SHLD2: variants seen among roughly 807,000 people sequenced by gnomAD.
The protein encoded by SHLD2 is shieldin complex subunit 2.
SHLD2 carries 30 observed loss-of-function variants against 73.2 expected under a neutral mutation model. The observed-to-expected ratio is 0.41, with a 90% CI of 0.31 to 0.56. The LOEUF (loss-of-function observed/expected upper bound fraction) is 0.56. Among genes scored for constraint, SHLD2 ranks in the 20% least tolerant of loss-of-function variants. The probability of loss-of-function intolerance (pLI) is 0.28; values close to 1 mark genes in which losing one functional copy is unlikely to be tolerated. For missense variants in SHLD2, 745 were observed against 1,055.9 expected (o/e 0.71, Z 4.08); for synonymous variants, 285 against 370.1 (o/e 0.77, Z 2.64).
intron 2 of SHLD2, among the ~76,000 whole-genome samples, chr10:87,125,597 C>T (rs748569414): frequency 3.3e-5 from 5 of 152,118 alleles, no homozygotes; most frequent in Non-Finnish European, 7.4e-5. Context: ...ATGAGCCGGG[C>T]GTGGTGGCGG....
intron 4 of SHLD2, among the ~76,000 whole-genome samples, chr10:87,160,683 T>G (rs1418532786): frequency 6.6e-6 from 1 of 152,112 alleles, no homozygotes; most frequent in African/African-American, 2.4e-5. Flanking sequence ...TATCAGCTAA[T>G]GCACTTAGAC....
intron 8 of SHLD2, among the ~76,000 whole-genome samples, chr10:87,184,179 G>A (rs1226253427): frequency 1.3e-5 from 2 of 152,066 alleles, no homozygotes; most frequent in East Asian, 1.9e-4. Context: ...GGGCACAATC[G>A]TCGCATCATT....
At chr10:87,132,069 G>C (rs1844467799) in intron 2 of SHLD2, among the ~76,000 whole-genome samples, 1 of 152,126 alleles carries the variant, frequency 6.6e-6, no homozygotes, top group African/African-American at 2.4e-5. Context: ...TTGTCTTTGT[G>C]TTGTAGAGTT....
At chr10:87,163,766 G>A (rs1307976847) in intron 4 of SHLD2, among the ~76,000 whole-genome samples, 1 of 149,612 alleles carries the variant, frequency 6.7e-6, no homozygotes, top group South Asian at 2.1e-4. Flanking sequence ...ATAAACTGAG[G>A]ATTTTTAATA....
upstream of SHLD2, chr10:87,094,534 C>A: frequency 6.2e-7 from 1 of 1,612,730 alleles, no homozygotes; most frequent in South Asian, 1.1e-5. The surrounding 1 kb of genome is among the most constrained non-coding windows in gnomAD (Gnocchi z 6.6). Flanking sequence ...CTCCACGATG[C>A]TGGCGCCGCG....
chr10:87,103,352 T>C (rs1227195982), intron 2 of SHLD2, among the ~76,000 whole-genome samples: 1 of 152,174 alleles, frequency 6.6e-6, no homozygotes, highest in Non-Finnish European at 1.5e-5. Context: ...GGGGATACTA[T>C]GGAAACAGCA....
chr10:87,129,215 C>T (rs1378834540), intron 2 of SHLD2, among the ~76,000 whole-genome samples: 4 of 152,112 alleles, frequency 2.6e-5, no homozygotes, highest in African/African-American at 9.7e-5. Flanking sequence ...CTCAGCTTCC[C>T]GAGTAGCTGA....
chr10:87,102,384 C>T (rs1178701923), intron 2 of SHLD2, among the ~76,000 whole-genome samples: 1 of 152,160 alleles, frequency 6.6e-6, no homozygotes, highest in Non-Finnish European at 1.5e-5. Flanking sequence ...GTAGCTGAGA[C>T]TACAAGGGTG....
chr10:87,100,112 A>T (rs1447091544), intron 2 of SHLD2, among the ~76,000 whole-genome samples: 1 of 152,190 alleles, frequency 6.6e-6, no homozygotes, highest in East Asian at 1.9e-4. Flanking sequence ...AATTTTGATG[A>T]AGTCCAATTT....
At chr10:87,136,546 A>G (rs1165448252) in intron 2 of SHLD2, among the ~76,000 whole-genome samples, 1 of 151,964 alleles carries the variant, frequency 6.6e-6, no homozygotes, top group Non-Finnish European at 1.5e-5. Flanking sequence ...ACTACCCTGT[A>G]TATATCCACA....
intron 2 of SHLD2, among the ~76,000 whole-genome samples, chr10:87,136,304 T>C (rs1299166832): frequency 6.6e-6 from 1 of 152,110 alleles, no homozygotes; most frequent in African/African-American, 2.4e-5. Context: ...CACTACAAGA[T>C]GCGCTAGTAT....
chr10:87,112,992 G>A (rs543399583), intron 2 of SHLD2, among the ~76,000 whole-genome samples: 11 of 152,202 alleles, frequency 7.2e-5, no homozygotes, highest in Admixed American at 5.2e-4. Context: ...TAAAAGAGTG[G>A]GAACAACCTA....
chr10:87,147,391 A>G (rs1309872519), intron 2 of SHLD2, among the ~76,000 whole-genome samples: 3 of 151,870 alleles, frequency 2.0e-5, no homozygotes, highest in Non-Finnish European at 4.4e-5. Context: ...AGGTAGAACA[A>G]TTTAGGAAAG....
intron 2 of SHLD2, among the ~76,000 whole-genome samples, chr10:87,106,429 A>C (rs1015073331): frequency 1.3e-5 from 2 of 152,180 alleles, no homozygotes; most frequent in South Asian, 2.1e-4. Flanking sequence ...AAGGGGGGGA[A>C]CATTCTTAAA....
chr10:87,114,432 AAGTC>A (rs1386280511), intron 2 of SHLD2: 3 of 152,142 alleles, frequency 2.0e-5, no homozygotes, highest in Non-Finnish European at 4.4e-5. Context: ...CTTGGTTAGA[AAGTC>A]AGTCAAGCCC....
At chr10:87,162,616 C>A (rs1224838622) in intron 4 of SHLD2, among the ~76,000 whole-genome samples, 3 of 152,036 alleles carry the variant, frequency 2.0e-5, no homozygotes, top group Non-Finnish European at 2.9e-5. Context: ...ATTGTTTGAG[C>A]CCAGGAGGTC....
chr10:87,122,308 T>C (rs1387788402), intron 2 of SHLD2, among the ~76,000 whole-genome samples: 1 of 152,136 alleles, frequency 6.6e-6, no homozygotes, highest in Non-Finnish European at 1.5e-5. Context: ...GAAATAAATA[T>C]GTTACTCTCC....
intron 9 of SHLD2, among the ~76,000 whole-genome samples, chr10:87,189,789 G>C (rs1188849947): frequency 2.6e-5 from 4 of 151,894 alleles, no homozygotes; most frequent in Admixed American, 2.6e-4. Flanking sequence ...TATACTTTTA[G>C]TATTTTTTAT....
In SHLD2 at chr10:87,170,583, A is replaced by G; in HGVS notation, c.1739A>G (p.Asn580Ser). The change falls in exon 5 of 10, where the codon AAC (asparagine) becomes AGC (serine). Residue 580 changes from asparagine to serine, a missense_variant. Physicochemically the swap from Asn to Ser is conservative, Grantham distance 46. Transcript: ENST00000298786. ...DLPPRQPQRV[N>S]SIDFVELEHL... ...CCTCCGAGGCAGCCTCAGAGGGTGA[A>G]CAGTATAGACTTTGTAGAATTGGAG... 6.2e-7 allele frequency: 1 copy of G among 1,613,704 alleles called. No individual in the cohort carries two copies. The highest frequency in any genetic ancestry group is 8.5e-7 in the Non-Finnish European group (1 of 1,179,792).
Sources: gnomAD v4.1 joint callset for allele counts (sites outside exome capture counted in the v4.1 genomes callset) on GRCh38, gnomAD v4.1.1 for gene constraint, Gnocchi (gnomAD v3.1) non-coding constraint, MANE v1.5 for transcripts, NCBI Gene and HGNC (gene_info 2026-07-23, HGNC 2026-07-21) for gene names.